The following LMX1A variants were observed in gnomAD, a reference collection of about 807,000 sequenced individuals.
The protein encoded by LMX1A is LIM homeobox transcription factor 1-alpha.
LMX1A carries 15 observed loss-of-function variants against 49.1 expected under a neutral mutation model. The observed-to-expected ratio is 0.31, with a 90% CI of 0.20 to 0.47. The LOEUF is 0.47. LMX1A is among the 20% of genes least tolerant of loss of function. LMX1A has a pLI of 1.00. For synonymous variants in LMX1A, 167 were observed against 185.7 expected (o/e 0.90, Z 0.82); for missense variants, 372 against 475.8 (o/e 0.78, Z 2.03).
intron 3 of LMX1A, among the ~76,000 whole-genome samples, chr1:165,287,828 C>T (rs1310461662): frequency 6.6e-6 from 1 of 152,170 alleles, no homozygotes; most frequent in Non-Finnish European, 1.5e-5. Context: ...CCTTATATTT[C>T]TCTAAAGGCT....
chr1:165,349,581 A>C (rs1656353905), intron 3 of LMX1A, among the ~76,000 whole-genome samples: 1 of 152,130 alleles, frequency 6.6e-6, no homozygotes, highest in African/African-American at 2.4e-5. Context: ...ATTTCTATAC[A>C]TTAGTAAATC....
chr1:165,337,366 GATA>G (rs1448530491), intron 3 of LMX1A, among the ~76,000 whole-genome samples: 1 of 152,150 alleles, frequency 6.6e-6, no homozygotes, highest in Non-Finnish European at 1.5e-5. Flanking sequence ...CATGAAAAAT[GATA>G]ATAATCTGCA....
At chr1:165,342,922 T>G (rs934051319) in intron 3 of LMX1A, among the ~76,000 whole-genome samples, 17 of 152,008 alleles carry the variant, frequency 1.1e-4, no homozygotes, top group African/African-American at 4.1e-4. Context: ...CAGTTTCCTC[T>G]TCCCCAACAG....
chr1:165,278,203 G>A (rs988751266), intron 3 of LMX1A, among the ~76,000 whole-genome samples: 7 of 152,258 alleles, frequency 4.6e-5, no homozygotes, highest in East Asian at 1.9e-4. Flanking sequence ...CCACCTTGAC[G>A]TCCTGTCCCA....
chr1:165,339,252 C>T (rs996634033), intron 3 of LMX1A, among the ~76,000 whole-genome samples: 5 of 152,202 alleles, frequency 3.3e-5, no homozygotes, highest in African/African-American at 1.2e-4. Context: ...GACTGTGTTA[C>T]TGCAGTCTGG....
intron 4 of LMX1A, among the ~76,000 whole-genome samples, chr1:165,242,184 C>T (rs1176215021): frequency 6.6e-6 from 1 of 152,216 alleles, no homozygotes; most frequent in Non-Finnish European, 1.5e-5. Context: ...CAGATGAATG[C>T]TGAACACAAG....
rs74118584 is a variant in LMX1A at position 165,318,342 on chromosome 1, G to A, written c.263+34734C>T. Among the ~76,000 whole-genome samples, 340 of 152,330 alleles carry A rather than the reference G, an allele frequency of 2.2e-3. 1 individual carries two copies. Among genetic ancestry groups the A allele is most frequent in the African/African-American group, 7.8e-3 (324 of 41,576 alleles). Reference sequence around the variant, plus strand: ...CTGCACTCCACAAGCATCCTCCCAGGTAGCTGAGACAGATATCAGCCAAAG... The same window carrying A: ...CTGCACTCCACAAGCATCCTCCCAGATAGCTGAGACAGATATCAGCCAAAG... On this transcript the variant is annotated intron_variant, in intron 3 of 8. Coordinates refer to ENST00000342310, the MANE Select transcript of LMX1A (RefSeq NM_177398.4).
chr1:165,261,981 C>T (rs1653453836), intron 3 of LMX1A, among the ~76,000 whole-genome samples: 3 of 152,136 alleles, frequency 2.0e-5, no homozygotes, highest in Admixed American at 1.3e-4. Flanking sequence ...TACTTAATGC[C>T]ACTGAACTGT....
At chr1:165,218,479 G>C (rs74118523) in intron 4 of LMX1A, 3 of 152,372 alleles carry the variant, frequency 2.0e-5, no homozygotes, top group Non-Finnish European at 2.9e-5. Context: ...CCATCACCCA[G>C]CTTCCATCTA....
chr1:165,282,288 C>T (rs1310319775), intron 3 of LMX1A, among the ~76,000 whole-genome samples: 1 of 152,200 alleles, frequency 6.6e-6, no homozygotes, highest in Non-Finnish European at 1.5e-5. Flanking sequence ...CACCCCTCAA[C>T]ATTCTCAAGG....
chr1:165,337,811 C>T (rs1655943650), intron 3 of LMX1A, among the ~76,000 whole-genome samples: 1 of 151,798 alleles, frequency 6.6e-6, no homozygotes, highest in East Asian at 1.9e-4. Flanking sequence ...TTTGACCTTG[C>T]CCACTGACCC....
At chr1:165,213,503 T>G in intron 5 of LMX1A, 138 bp downstream of exon 5, 4 of 773,768 alleles carry the variant, frequency 5.2e-6, no homozygotes, top group African/African-American at 3.5e-5. Context: ...CCAACAGGCT[T>G]GAGCCGCCTG....
rs1557883336 is a variant in LMX1A, at chr1:165,319,043, C to CA, written c.263+34032_263+34033insT. Reference sequence around the variant, plus strand: ...CACACACACACACACACACACACACCCCAACTTCTTAGTAGGAACTAGACA... The same window carrying CA: ...CACACACACACACACACACACACACCACCAACTTCTTAGTAGGAACTAGACA... On this transcript the variant is annotated intron_variant, in intron 3 of 8. Coordinates refer to ENST00000342310, the MANE Select transcript of LMX1A (RefSeq NM_177398.4). Among the ~76,000 whole-genome samples the CA allele has an allele frequency of 1.6e-3, 216 of 138,068 alleles. 1 individual carries two copies. Among genetic ancestry groups the CA allele is most frequent in the African/African-American group, 5.7e-3 (206 of 36,270 alleles). The allele number at this position is 138,068 out of a possible 152,430, so 90.6% of individuals were successfully genotyped here.
intron 3 of LMX1A, among the ~76,000 whole-genome samples, chr1:165,272,128 G>C (rs1044187587): frequency 6.6e-6 from 1 of 152,098 alleles, no homozygotes; most frequent in Non-Finnish European, 1.5e-5. Flanking sequence ...CAGGGCCCCA[G>C]CTAATTCATC....
At chr1:165,312,352 G>C (rs567051770) in intron 3 of LMX1A, among the ~76,000 whole-genome samples, 1 of 152,130 alleles carries the variant, frequency 6.6e-6, no homozygotes, top group Non-Finnish European at 1.5e-5. Flanking sequence ...TCATTGTGCT[G>C]TTACTTTTAG....
chr1:165,346,246 G>A (rs1357559330), intron 3 of LMX1A, among the ~76,000 whole-genome samples: 1 of 152,188 alleles, frequency 6.6e-6, no homozygotes, highest in Non-Finnish European at 1.5e-5. Context: ...ATCTATTGGT[G>A]CAAGGAGACG....
At chr1:165,267,290 C>T (rs12068638) in intron 3 of LMX1A, among the ~76,000 whole-genome samples, 62,351 of 151,954 alleles carry the variant, frequency 0.41, 13,065 homozygotes, top group African/African-American at 0.46. Flanking sequence ...TCACTTAGCA[C>T]AATGTTTTCT....
At chr1:165,217,829 C>A (rs560272405) in intron 4 of LMX1A, among the ~76,000 whole-genome samples, 1 of 152,326 alleles carries the variant, frequency 6.6e-6, no homozygotes, top group South Asian at 2.1e-4. Context: ...TTTTGTGGTG[C>A]ATTTTCTTTC....
At chr1:165,208,483 C>T (rs1264122854) in intron 6 of LMX1A, among the ~76,000 whole-genome samples, 1 of 152,156 alleles carries the variant, frequency 6.6e-6, no homozygotes, top group East Asian at 1.9e-4. Context: ...CCAGCCTAGA[C>T]GTATGGAACA....
Sources: gnomAD v4.1 joint callset for allele counts (sites outside exome capture counted in the v4.1 genomes callset) on GRCh38, gnomAD v4.1.1 for gene constraint, MANE v1.5 for transcripts, NCBI Gene and HGNC (gene_info 2026-07-23, HGNC 2026-07-21) for gene names.